IGF1R: variants seen among roughly 807,000 people sequenced by gnomAD.
The protein encoded by IGF1R is insulin-like growth factor 1 receptor.
IGF1R carries 44 observed loss-of-function variants against 144.6 expected under a neutral mutation model. The ratio of observed to expected loss-of-function variants is 0.30; its 90% CI spans 0.24 to 0.39. The LOEUF is 0.39. Among genes scored for constraint, IGF1R ranks in the 10% least tolerant of loss-of-function variants. The pLI, the probability that IGF1R is intolerant of heterozygous loss-of-function variation, is 1.00. For synonymous variants in IGF1R, 795 were observed against 722.8 expected (o/e 1.10, Z -1.60); for missense variants, 1,355 against 1,833.7 (o/e 0.74, Z 4.77).
chr15:98,701,205 A>G (rs2053723725), intron 1 of IGF1R, among the ~76,000 whole-genome samples: 1 of 152,116 alleles, frequency 6.6e-6, no homozygotes, highest in Non-Finnish European at 1.5e-5. Context: ...AGAGTTAAAG[A>G]TGATGATTGG....
At position 98,866,143 on chromosome 15, in the gene IGF1R, T is replaced by G. The variant is rs191242150; in HGVS notation, c.641-25182T>G. On this transcript the variant is annotated intron_variant, in intron 2 of 20. Coordinates refer to ENST00000650285, the MANE Select transcript of IGF1R (RefSeq NM_000875.5). The stretch of plus-strand genomic sequence containing the variant: ...TCTCAGTTGAACTCGGTCTTACTGT[T>G]CCACGCGAGCACCCCATGACTCAGA... Among the ~76,000 whole-genome samples the G allele has an allele frequency of 2.4e-4, 37 of 152,316 alleles. No individual in the cohort carries two copies. In the East Asian group the frequency reaches 6.9e-3, roughly 29 times the overall value.
chr15:98,919,438 A>G (rs769195686), intron 10 of IGF1R, among the ~76,000 whole-genome samples: 16 of 152,138 alleles, frequency 1.1e-4, no homozygotes, highest in Non-Finnish European at 2.2e-4. Context: ...TTTTGGAAAG[A>G]TTTTGCTGAA....
At position 98,960,893 on chromosome 15, in the gene IGF1R, T is replaced by A. The variant is rs1005974165; in HGVS notation, c.*3451T>A. 3.4e-5 allele frequency: 8 copies of A among 233,488 alleles called. No homozygotes were observed. In the East Asian group the frequency reaches 4.8e-4, roughly 14 times the overall value. 14.5% of individuals were successfully genotyped at this position (233,488 alleles called of 1,614,324 possible). On this transcript the variant is annotated 3_prime_UTR_variant, in exon 21 of 21. Coordinates refer to ENST00000650285, the MANE Select transcript of IGF1R (RefSeq NM_000875.5). ...AAAGCCCAGTGGCCGGCGCCGAGGCTCGTGGCGTCACGCCCCCCCCGCCAG... is the reference window on the plus strand; with the variant it reads ...AAAGCCCAGTGGCCGGCGCCGAGGCACGTGGCGTCACGCCCCCCCCGCCAG...
At chr15:98,763,510 T>C (rs1207804954) in intron 2 of IGF1R, among the ~76,000 whole-genome samples, 1 of 151,884 alleles carries the variant, frequency 6.6e-6, no homozygotes, top group Non-Finnish European at 1.5e-5. Context: ...TGTCTTGGCA[T>C]GGACTGGGTA....
chr15:98,931,669 G>A (rs1166852730), intron 15 of IGF1R, among the ~76,000 whole-genome samples: 1 of 148,052 alleles, frequency 6.8e-6, no homozygotes, highest in African/African-American at 2.5e-5. Flanking sequence ...TACAAGAGTT[G>A]TTACTTGTGG....
chr15:98,742,821 G>A (rs1215518807), intron 2 of IGF1R, among the ~76,000 whole-genome samples: 2 of 152,082 alleles, frequency 1.3e-5, no homozygotes, highest in Non-Finnish European at 2.9e-5. Context: ...TGAGGCGGGT[G>A]GATCACCTGA....
intron 2 of IGF1R, among the ~76,000 whole-genome samples, chr15:98,829,234 G>T (rs2684769): frequency 8.5e-5 from 13 of 152,110 alleles, no homozygotes; most frequent in Admixed American, 5.9e-4. Flanking sequence ...TGCTGCAGCC[G>T]TTTCTGATGT....
chr15:98,705,891 A>G (rs552641318), intron 1 of IGF1R, among the ~76,000 whole-genome samples: 2 of 152,238 alleles, frequency 1.3e-5, no homozygotes, highest in Non-Finnish European at 2.9e-5. Flanking sequence ...TATCAAATTC[A>G]TTTCCTCAAC....
At chr15:98,834,179 CTG>C (rs1160255946) in intron 2 of IGF1R, among the ~76,000 whole-genome samples, 9 of 152,230 alleles carry the variant, frequency 5.9e-5, no homozygotes, top group African/African-American at 1.9e-4. Context: ...TTTGCCTAGA[CTG>C]TACCTTTTTT....
Position 98,677,034 on chromosome 15 carries a change from C to T in IGF1R, c.94+27359C>T, listed in dbSNP as rs547412015. ...CACTGCAGCCTTCAGCTCCTAGGCT[C>T]AAGTAATCCTCCACCTCAGCCTCCT... On this transcript the variant is annotated intron_variant, in intron 1 of 20. Transcript: ENST00000650285. 3.3e-5 allele frequency among the ~76,000 whole-genome samples: 5 copies of T among 152,218 alleles called. No individual in the cohort carries two copies. In the South Asian group the frequency reaches 1.0e-3, roughly 32 times the overall value.
chr15:98,652,018 G>A (rs1260769466), intron 1 of IGF1R, among the ~76,000 whole-genome samples: 1 of 141,890 alleles, frequency 7.0e-6, no homozygotes, highest in Non-Finnish European at 1.5e-5. Context: ...GTTGTCTGGT[G>A]GAGAAATAAA....
At chr15:98,760,008 A>G (rs2055252911) in intron 2 of IGF1R, among the ~76,000 whole-genome samples, 1 of 152,062 alleles carries the variant, frequency 6.6e-6, no homozygotes, top group Non-Finnish European at 1.5e-5. Flanking sequence ...TGAGAACACC[A>G]TTTTTCTCTT....
chr15:98,875,215 C>T (rs912618520), intron 2 of IGF1R, among the ~76,000 whole-genome samples: 1 of 7,282 alleles, frequency 1.4e-4, no homozygotes, highest in African/African-American at 2.0e-4. Flanking sequence ...TTGAAGAAGG[C>T]CAAAAAAAAA....
At chr15:98,937,040 C>T (rs1213531885) in intron 17 of IGF1R, among the ~76,000 whole-genome samples, 2 of 152,266 alleles carry the variant, frequency 1.3e-5, no homozygotes, top group East Asian at 3.9e-4. Context: ...TGTGTACCAC[C>T]ACGCCCACCT....
chr15:98,797,736 C>T (rs1003746495), intron 2 of IGF1R, among the ~76,000 whole-genome samples: 5 of 152,204 alleles, frequency 3.3e-5, no homozygotes, highest in African/African-American at 9.7e-5. Context: ...GTTGTGCTGA[C>T]GTAGCTACTT....
chr15:98,829,415 G>T (rs2056961362), intron 2 of IGF1R, among the ~76,000 whole-genome samples: 1 of 151,984 alleles, frequency 6.6e-6, no homozygotes, highest in South Asian at 2.1e-4. Flanking sequence ...CTCTATCCGG[G>T]TGTTATACAA....
intron 2 of IGF1R, among the ~76,000 whole-genome samples, chr15:98,775,811 A>G (rs763825292): frequency 1.4e-4 from 22 of 152,170 alleles, no homozygotes; most frequent in Non-Finnish European, 2.9e-4. Context: ...GGCTGGTTGG[A>G]TGATGAGAAT....
chr15:98,744,290 A>G (rs1175802645), intron 2 of IGF1R, among the ~76,000 whole-genome samples: 1 of 151,888 alleles, frequency 6.6e-6, no homozygotes, highest in Non-Finnish European at 1.5e-5. Flanking sequence ...GGGAGAGAGG[A>G]GGGTTTTAAG....
chr15:98,756,722 T>A (rs1054849110), intron 2 of IGF1R, among the ~76,000 whole-genome samples: 1 of 152,202 alleles, frequency 6.6e-6, no homozygotes, highest in Non-Finnish European at 1.5e-5. Context: ...TTTTTAGTCT[T>A]CTTAAAATAA....
Sources: gnomAD v4.1 joint callset for allele counts (sites outside exome capture counted in the v4.1 genomes callset) on GRCh38, gnomAD v4.1.1 for gene constraint, MANE v1.5 for transcripts, NCBI Gene and HGNC (gene_info 2026-07-23, HGNC 2026-07-21) for gene names.